CDK12: variants seen among roughly 807,000 people sequenced by gnomAD.
CDK12 encodes cyclin-dependent kinase 12.
A neutral mutation model predicts 133.8 loss-of-function variants in CDK12; 17 were observed. The observed-to-expected ratio is 0.13, with a 90% CI of 0.09 to 0.19. The LOEUF (loss-of-function observed/expected upper bound fraction) is 0.19, where lower values mean the gene tolerates loss of function less well. Ranked by LOEUF, CDK12 falls within the 10% of genes least tolerant of loss-of-function variation. The pLI, the probability that CDK12 is intolerant of heterozygous loss-of-function variation, is 1.00. For synonymous variants in CDK12, 694 were observed against 683.6 expected (o/e 1.02, Z -0.24); for missense variants, 1,508 against 1,818.7 (o/e 0.83, Z 3.11).
intron 3 of CDK12, among the ~76,000 whole-genome samples, chr17:39,558,635 A>G (rs927650499): frequency 2.6e-5 from 4 of 152,134 alleles, no homozygotes; most frequent in African/African-American, 9.7e-5. Context: ...AACTTCATGC[A>G]TTTTATTTTA....
chr17:39,526,655 C>G, intron 13 of CDK12, among the ~76,000 whole-genome samples: 1 of 152,178 alleles, frequency 6.6e-6, no homozygotes, highest in East Asian at 1.9e-4. Flanking sequence ...GCCAACTAGT[C>G]CTAGCACTTG....
At chr17:39,474,142 G>A (rs1033137501) in intron 2 of CDK12, among the ~76,000 whole-genome samples, 3 of 152,154 alleles carry the variant, frequency 2.0e-5, no homozygotes, top group East Asian at 1.9e-4. Context: ...GCAGTGACAT[G>A]TGATGGCAGT....
rs1262834506 is a variant in CDK12 at position 39,521,333 on chromosome 17, T to C, written c.3095+1246T>C. ...GCATCCAGGCTGGAGTGCAGTGGTG[T>C]GATATTGGCTCACTGCAATCTCCGC... is the stretch of plus-strand genomic sequence containing the variant. On this transcript the variant is annotated intron_variant, in intron 11 of 13. Transcript: ENST00000447079. 2.0e-5 allele frequency among the ~76,000 whole-genome samples: 3 copies of C among 152,102 alleles called. No individual in the cohort carries two copies. The East Asian group carries it at 5.8e-4, about 30-fold the overall frequency.
chr17:39,525,323 C>A (rs1055159358), intron 12 of CDK12, among the ~76,000 whole-genome samples: 1 of 152,176 alleles, frequency 6.6e-6, no homozygotes, highest in Non-Finnish European at 1.5e-5. Context: ...CTAAATGTAT[C>A]TGAAACTATG....
At chr17:39,480,436 G>GT (rs778236035) in intron 2 of CDK12, among the ~76,000 whole-genome samples, 29 of 150,160 alleles carry the variant, frequency 1.9e-4, no homozygotes, top group African/African-American at 6.4e-4. Context: ...TGCCCAGCTA[G>GT]TTTTTTTTTT....
chr17:39,474,464 G>A (rs1385484945), intron 2 of CDK12, among the ~76,000 whole-genome samples: 1 of 152,112 alleles, frequency 6.6e-6, no homozygotes, highest in Non-Finnish European at 1.5e-5. Flanking sequence ...GATTACAGGT[G>A]CATGCCACTA....
chr17:39,464,239 A>G (rs1240457970), intron 1 of CDK12, among the ~76,000 whole-genome samples: 1 of 151,332 alleles, frequency 6.6e-6, no homozygotes, highest in Non-Finnish European at 1.5e-5. Context: ...TTTTTTTTGA[A>G]AGACAAGATC....
chr17:39,497,047 C>T (rs1337782353), intron 5 of CDK12, among the ~76,000 whole-genome samples: 1 of 150,504 alleles, frequency 6.6e-6, no homozygotes, highest in African/African-American at 2.4e-5. Context: ...TCTCCTGCCT[C>T]AGCCTTTGGA....
chr17:39,479,749 C>T (rs2050490186), intron 2 of CDK12, among the ~76,000 whole-genome samples: 2 of 151,772 alleles, frequency 1.3e-5, no homozygotes, highest in South Asian at 4.2e-4. Flanking sequence ...GCCTCAGCCT[C>T]CCAAGTAGCT....
intron 5 of CDK12, among the ~76,000 whole-genome samples, chr17:39,497,939 G>A (rs2052257368): frequency 6.6e-6 from 1 of 151,918 alleles, no homozygotes; most frequent in African/African-American, 2.4e-5. Context: ...TATATTTTGG[G>A]TCTTCTCTAT....
At chr17:39,507,518 C>T (rs2146289030) in intron 6 of CDK12, among the ~76,000 whole-genome samples, 1 of 151,766 alleles carries the variant, frequency 6.6e-6, no homozygotes, top group South Asian at 2.1e-4. Context: ...AGCGCCATCG[C>T]ACTCCAGCCT....
At chr17:39,509,846 G>A in intron 7 of CDK12, 85 bp downstream of exon 7, 9 of 1,041,858 alleles carry the variant, frequency 8.6e-6, no homozygotes, top group Non-Finnish European at 1.4e-5. Flanking sequence ...CTGTTGCTCA[G>A]GCTGGAGTGC....
At chr17:39,493,296 C>G (rs562206948) in intron 4 of CDK12, among the ~76,000 whole-genome samples, 2 of 151,538 alleles carry the variant, frequency 1.3e-5, no homozygotes, top group East Asian at 1.9e-4. Context: ...AGCCACGGCG[C>G]CAGGCCTTTT....
At chr17:39,492,661 G>A (rs570244517) in intron 3 of CDK12, 90 bp from the exon 4 acceptor site, 12 of 861,538 alleles carry the variant, frequency 1.4e-5, no homozygotes, top group South Asian at 8.7e-5. Flanking sequence ...TGCCAGCCTC[G>A]GCCTCCCAAA....
At chr17:39,536,347 C>T (rs1417012518), downstream of CDK12, among the ~76,000 whole-genome samples, 3 of 152,190 alleles carry the variant, frequency 2.0e-5, no homozygotes, top group African/African-American at 7.2e-5. Context: ...AAATGTCTAT[C>T]TGGATCCTCA....
chr17:39,513,994 C>T (rs1208238552), intron 8 of CDK12, among the ~76,000 whole-genome samples: 1 of 152,134 alleles, frequency 6.6e-6, no homozygotes, highest in African/African-American at 2.4e-5. Flanking sequence ...ATTTTACCCG[C>T]TGTGACGACA....
rs780806442 is a variant in CDK12 at position 39,531,287 on chromosome 17, G to A, written c.4444G>A (p.Gly1482Arg). 15 of 1,495,046 alleles carry A rather than the reference G, an allele frequency of 1.0e-5. No individual in the cohort carries two copies. Among genetic ancestry groups the A allele is most frequent in the Non-Finnish European group, 8.9e-6 (10 of 1,125,530 alleles). 92.6% of individuals were successfully genotyped at this position (1,495,046 alleles called of 1,614,324 possible). Reference sequence around the variant, plus strand: ...GGGGCCTACAAGAGTCCCACCAAGAGGGGGAAGAGGGAGAGGAGTTCCTTA... The same window carrying A: ...GGGGCCTACAAGAGTCCCACCAAGAAGGGGAAGAGGGAGAGGAGTTCCTTA... ...YRGPTRVPPRGGRGRGVPY is the reference protein window; with the variant it reads ...YRGPTRVPPRRGRGRGVPY The change falls in exon 14 of 14, where the codon GGG becomes AGG. Residue 1482 changes from glycine to arginine, a missense_variant. Coordinates refer to ENST00000447079, the MANE Select transcript of CDK12 (RefSeq NM_016507.4).
At chr17:39,529,047 C>T (rs552653506) in intron 13 of CDK12, among the ~76,000 whole-genome samples, 3 of 152,262 alleles carry the variant, frequency 2.0e-5, no homozygotes, top group Admixed American at 2.0e-4. Flanking sequence ...TTTTCCCCTG[C>T]CACCCTGTCA....
chr17:39,531,659 C>A lies in CDK12; in HGVS notation c.*343C>A. 1 of 265,226 alleles carries A rather than the reference C, an allele frequency of 3.8e-6. No homozygotes were observed. The highest frequency in any genetic ancestry group is 7.1e-6 in the Non-Finnish European group (1 of 140,458). The allele number at this position is 265,226 out of a possible 1,614,324, so 16.4% of individuals were successfully genotyped here. A position where few individuals can be genotyped will look rare whatever the true frequency, so the allele number is the denominator to read the frequency against. ...GATCGGAAGAGAGAAAGAACAGTTT[C>A]AGTATTGAGATGGCTCAGGAGAGGC... On this transcript the variant is annotated 3_prime_UTR_variant, in exon 14 of 14. Transcript: ENST00000447079.
Sources: allele counts gnomAD v4.1 joint callset (sites outside exome capture counted in the v4.1 genomes callset), GRCh38; gene constraint gnomAD v4.1.1; transcripts MANE v1.5; gene names NCBI Gene and HGNC (gene_info 2026-07-23, HGNC 2026-07-21).